Variants in KMT2E observed in about 807,000 individuals in gnomAD.
The protein encoded by KMT2E is lysine methyltransferase 2E (inactive).
A neutral mutation model predicts 184.6 loss-of-function variants in KMT2E; 30 were observed. The ratio of observed to expected loss-of-function variants is 0.16; its 90% CI spans 0.12 to 0.22. KMT2E has a LOEUF of 0.22. Ranked by LOEUF, KMT2E falls within the 10% of genes least tolerant of loss-of-function variation. The pLI, the probability that KMT2E is intolerant of heterozygous loss-of-function variation, is 1.00. For missense variants in KMT2E, 2,023 were observed against 2,237.4 expected (o/e 0.90, Z 1.93); for synonymous variants, 815 against 776.5 (o/e 1.05, Z -0.82).
intron 1 of KMT2E, among the ~76,000 whole-genome samples, chr7:105,024,978 A>C (rs1795113530): frequency 6.6e-6 from 1 of 152,126 alleles, no homozygotes; most frequent in South Asian, 2.1e-4. Flanking sequence ...AGCAGTACAA[A>C]TTGGGATCAA....
chr7:105,071,322 C>G (rs1201329137), intron 6 of KMT2E, among the ~76,000 whole-genome samples: 2 of 151,238 alleles, frequency 1.3e-5, no homozygotes, highest in African/African-American at 4.8e-5. Flanking sequence ...GTTAGATTGT[C>G]AAATTTCCTT....
At position 105,066,718 on chromosome 7, in the gene KMT2E, T is replaced by G. The variant is rs1395262498; in HGVS notation, c.417-9T>G. ...AATATTACATATGTTCTGCTTTTTT[T>G]TTTTTAAGCGTTTGGCAACATATTG... On this transcript the variant is annotated splice_polypyrimidine_tract_variant and intron_variant, in intron 5 of 26. Coordinates refer to ENST00000311117, the MANE Select transcript of KMT2E (RefSeq NM_182931.3). 6.2e-7 allele frequency: 1 copy of G among 1,606,022 alleles called. No individual in the cohort carries two copies. Among genetic ancestry groups the G allele is most frequent in the South Asian group, 1.1e-5 (1 of 90,748 alleles).
At chr7:105,042,614 C>G (rs1164313761) in intron 3 of KMT2E, among the ~76,000 whole-genome samples, 2 of 152,204 alleles carry the variant, frequency 1.3e-5, no homozygotes, top group East Asian at 1.9e-4. Flanking sequence ...GCTCCAGATT[C>G]ATGCTGCCAC....
chr7:105,020,727 CTT>C (rs961053008), intron 1 of KMT2E, among the ~76,000 whole-genome samples: 3 of 152,086 alleles, frequency 2.0e-5, no homozygotes, highest in East Asian at 1.9e-4. Flanking sequence ...AAAATTTACA[CTT>C]ATAAATTATT....
chr7:105,027,558 T>C (rs976709965), intron 1 of KMT2E, among the ~76,000 whole-genome samples: 3 of 152,238 alleles, frequency 2.0e-5, no homozygotes, highest in African/African-American at 7.2e-5. Context: ...ATTTTTCTTA[T>C]TGGATATGTG....
rs371638874 is a variant in KMT2E, at chr7:105,076,144, C to A, written c.768+63C>A. 75 of 1,142,530 alleles carry A rather than the reference C, an allele frequency of 6.6e-5. No individual in the cohort carries two copies. The East Asian group carries it at 1.3e-3, about 20-fold the overall frequency. 70.8% of individuals were successfully genotyped at this position (1,142,530 alleles called of 1,614,324 possible). On this transcript the variant is annotated intron_variant, in intron 9 of 26. Coordinates refer to ENST00000311117, the MANE Select transcript of KMT2E (RefSeq NM_182931.3). ...CATTTATTCAGGAGCTACATGCTTG[C>A]TTGACCATATCTTTACTTAATGCTC...
In KMT2E at chr7:105,109,209, A is replaced by G. The variant is rs768425466; in HGVS notation, c.3736A>G (p.Asn1246Asp). 1.9e-6 allele frequency: 3 copies of G among 1,613,892 alleles called. No individual in the cohort carries two copies. The South Asian group carries it at 3.3e-5, about 18-fold the overall frequency. ...TAAGGATGCTACTGCTAGTGAGAAG[A>G]ATGAACCAGAAGTTCAATGGTAAGC... ...PVKDATASEK[N>D]EPEVQWTAST... Residue 1246 changes from asparagine (N) to aspartate (D), a missense_variant, in exon 23 of 27, where the codon AAT becomes GAT. Asn to Asp is a conservative substitution (Grantham distance 23). This residue lies in a region of KMT2E where 1,108 missense variants were observed against 1,050.9 expected (regional missense o/e 1.05). Coordinates refer to ENST00000311117, the MANE Select transcript of KMT2E (RefSeq NM_182931.3).
rs752661704 is a variant in KMT2E at position 105,066,698 on chromosome 7, T to G, written c.417-29T>G. The G allele has an allele frequency of 3.3e-6, 5 of 1,530,246 alleles. No individual in the cohort carries two copies. In the East Asian group the frequency reaches 1.1e-4, roughly 34 times the overall value. The allele number at this position is 1,530,246 out of a possible 1,614,324, so 94.8% of individuals were successfully genotyped here. ...AATTTAAGGATGACTTAAATAATAT[T>G]ACATATGTTCTGCTTTTTTTTTTTT... On this transcript the variant is annotated intron_variant, in intron 5 of 26. Coordinates refer to ENST00000311117, the MANE Select transcript of KMT2E (RefSeq NM_182931.3).
intron 17 of KMT2E, chr7:105,103,514 T>A (rs766746379): frequency 1.8e-4 from 27 of 152,176 alleles, no homozygotes; most frequent in Non-Finnish European, 3.7e-4. Flanking sequence ...TCACAACCCT[T>A]CTTTTACAGA....
intron 6 of KMT2E, 24 bp downstream of exon 6, chr7:105,066,831 A>T: frequency 6.8e-7 from 1 of 1,469,932 alleles, no homozygotes; most frequent in Non-Finnish European, 9.5e-7. Flanking sequence ...ATCTGATAAC[A>T]TTGCCAGTAA....
At chr7:105,048,804 T>C (rs1003499447) in intron 3 of KMT2E, among the ~76,000 whole-genome samples, 12 of 152,232 alleles carry the variant, frequency 7.9e-5, no homozygotes, top group Non-Finnish European at 1.8e-4. Context: ...GATAACACTT[T>C]GTCTACAGAA....
chr7:105,087,613 G>A (rs971392184), intron 13 of KMT2E, among the ~76,000 whole-genome samples: 11 of 151,536 alleles, frequency 7.3e-5, no homozygotes, highest in Non-Finnish European at 1.6e-4. Context: ...TAGTAGAGAC[G>A]GGGTTTCACC....
intron 15 of KMT2E, among the ~76,000 whole-genome samples, chr7:105,096,132 A>G (rs1224592884): frequency 1.3e-5 from 2 of 151,584 alleles, no homozygotes; most frequent in South Asian, 2.1e-4. Flanking sequence ...GCACATGCCT[A>G]TAATCCCAGC....
At chr7:105,052,811 C>G (rs1462033103) in intron 3 of KMT2E, among the ~76,000 whole-genome samples, 1 of 151,928 alleles carries the variant, frequency 6.6e-6, no homozygotes, top group African/African-American at 2.4e-5. Context: ...AACACCCGAC[C>G]TCAGGTGATC....
chr7:105,043,833 G>GT (rs1795989327), intron 3 of KMT2E, among the ~76,000 whole-genome samples: 1 of 152,192 alleles, frequency 6.6e-6, no homozygotes, highest in African/African-American at 2.4e-5. Flanking sequence ...GCTTATACCT[G>GT]TAATTCCAGT....
At position 105,081,788 on chromosome 7, in the gene KMT2E, A is replaced by G. The variant is rs140935407; in HGVS notation, c.1349A>G (p.Tyr450Cys). The G allele has an allele frequency of 2.8e-6, 4 of 1,407,394 alleles. No individual in the cohort carries two copies. The highest frequency in any genetic ancestry group is 1.9e-5 in the Admixed American group (1 of 52,706). The allele number at this position is 1,407,394 out of a possible 1,614,324, so 87.2% of individuals were successfully genotyped here. A position where few individuals can be genotyped will look rare whatever the true frequency, so the allele number is the denominator to read the frequency against. ...ATTACTATTGCCTTTGATTTTGACT[A>G]TGGAAATTGGTGAGTTCAAGTCTAT... ...TEITIAFDFD[Y>C]GNCKYKVDCA... Residue 450 changes from tyrosine (Y) to cysteine (C), a missense_variant, in exon 13 of 27, where the codon TAT becomes TGT. Transcript: ENST00000311117.
chr7:105,028,992 C>T (rs955656166), intron 1 of KMT2E, among the ~76,000 whole-genome samples: 2 of 151,880 alleles, frequency 1.3e-5, no homozygotes, highest in African/African-American at 4.8e-5. Context: ...AGGCCGGGCA[C>T]GGTGGCTCAT....
chr7:105,059,635 A>G (rs903216755), intron 3 of KMT2E, among the ~76,000 whole-genome samples: 8 of 152,244 alleles, frequency 5.3e-5, no homozygotes, highest in African/African-American at 1.4e-4. Flanking sequence ...TATTCATATA[A>G]TGAAATAAGC....
chr7:105,049,702 C>T (rs10279486), intron 3 of KMT2E, among the ~76,000 whole-genome samples: 42,495 of 151,704 alleles, frequency 0.28, 8,856 homozygotes, highest in East Asian at 0.64. Context: ...ACCAGCCTGC[C>T]GAACTTGGCA....
Sources: allele counts gnomAD v4.1 joint callset (sites outside exome capture counted in the v4.1 genomes callset), GRCh38; gene constraint gnomAD v4.1.1; regional missense constraint gnomAD v4.1.1; transcripts MANE v1.5; gene names NCBI Gene and HGNC (gene_info 2026-07-23, HGNC 2026-07-21).